The following PTPRT variants were observed in gnomAD, a reference collection of about 807,000 sequenced individuals.
The protein encoded by PTPRT is receptor-type tyrosine-protein phosphatase T.
A neutral mutation model predicts 176.8 loss-of-function variants in PTPRT; 56 were observed. That is an observed-to-expected ratio of 0.32 (90% confidence interval 0.26 to 0.40). The LOEUF (loss-of-function observed/expected upper bound fraction) is 0.40, where lower values mean the gene tolerates loss of function less well. Among genes scored for constraint, PTPRT ranks in the 10% least tolerant of loss-of-function variants. The pLI is 1.00. For synonymous variants in PTPRT, 783 were observed against 739.0 expected (o/e 1.06, Z -0.96); for missense variants, 1,540 against 1,908.2 (o/e 0.81, Z 3.60).
intron 7 of PTPRT, among the ~76,000 whole-genome samples, chr20:42,540,708 T>C (rs1317654416): frequency 6.6e-6 from 1 of 152,194 alleles, no homozygotes; most frequent in Non-Finnish European, 1.5e-5. Flanking sequence ...ACAAGTCAAA[T>C]ATTAGCTTCA....
At chr20:42,968,623 C>T (rs1982440082) in intron 1 of PTPRT, 1 of 152,238 alleles carries the variant, frequency 6.6e-6, no homozygotes, top group African/African-American at 2.4e-5. Context: ...CTGGCATTTC[C>T]TGGAGTTTCC....
chr20:42,607,087 G>A (rs936868395), intron 7 of PTPRT, among the ~76,000 whole-genome samples: 29 of 152,148 alleles, frequency 1.9e-4, no homozygotes, highest in African/African-American at 5.8e-4. Flanking sequence ...TAAGTCAATC[G>A]CAAAAAGAGA....
chr20:42,744,449 G>A (rs1600689452), intron 6 of PTPRT, among the ~76,000 whole-genome samples: 1 of 152,204 alleles, frequency 6.6e-6, no homozygotes, highest in African/African-American at 2.4e-5. Context: ...GAATTTGGAC[G>A]TTTAAGCCCA....
intron 1 of PTPRT, among the ~76,000 whole-genome samples, chr20:43,023,785 T>C (rs1221112829): frequency 6.6e-6 from 1 of 152,186 alleles, no homozygotes; most frequent in Admixed American, 6.5e-5. Context: ...AAGGTAGCTT[T>C]AGAGGCTATG....
At chr20:43,050,147 G>T (rs1986988591) in intron 1 of PTPRT, among the ~76,000 whole-genome samples, 1 of 152,196 alleles carries the variant, frequency 6.6e-6, no homozygotes, top group Non-Finnish European at 1.5e-5. Flanking sequence ...AAGGGAACAT[G>T]CAGCTTGTAG....
chr20:42,741,160 G>A (rs1041650595), intron 6 of PTPRT, among the ~76,000 whole-genome samples: 1 of 152,132 alleles, frequency 6.6e-6, no homozygotes, highest in African/African-American at 2.4e-5. Context: ...AAACCCCTAG[G>A]AATAGGCACA....
intron 14 of PTPRT, among the ~76,000 whole-genome samples, chr20:42,236,815 G>A (rs6030079): frequency 3.8e-4 from 58 of 152,156 alleles, no homozygotes; most frequent in Admixed American, 8.5e-4. Context: ...TACCCAAGAT[G>A]GCTCCCCAGT....
At chr20:42,840,079 G>T (rs2078250599) in intron 2 of PTPRT, among the ~76,000 whole-genome samples, 1 of 152,160 alleles carries the variant, frequency 6.6e-6, no homozygotes, top group African/African-American at 2.4e-5. Context: ...AAACCTGAAA[G>T]CATGGTGTTG....
At chr20:42,535,544 C>A (rs1426281510) in intron 7 of PTPRT, among the ~76,000 whole-genome samples, 1 of 152,136 alleles carries the variant, frequency 6.6e-6, no homozygotes, top group East Asian at 1.9e-4. Flanking sequence ...AGACCTATAT[C>A]TAAAGCATTA....
intron 1 of PTPRT, among the ~76,000 whole-genome samples, chr20:42,969,920 C>T (rs1982523206): frequency 6.6e-6 from 1 of 152,066 alleles, no homozygotes; most frequent in African/African-American, 2.4e-5. Context: ...GGACTGCAGA[C>T]AAGAAATTGA....
chr20:42,759,072 G>A (rs764812901), intron 5 of PTPRT, among the ~76,000 whole-genome samples: 7 of 152,152 alleles, frequency 4.6e-5, no homozygotes, highest in African/African-American at 7.2e-5. Flanking sequence ...CTGATTTGGA[G>A]AAGAGATCAC....
chr20:42,744,741 C>G (rs1463905996), intron 6 of PTPRT, among the ~76,000 whole-genome samples: 2 of 152,250 alleles, frequency 1.3e-5, no homozygotes, highest in Admixed American at 6.5e-5. Flanking sequence ...TCTTTTGACT[C>G]TCCCCTCACC....
intron 2 of PTPRT, among the ~76,000 whole-genome samples, chr20:42,811,704 T>C (rs948911039): frequency 9.2e-5 from 14 of 152,188 alleles, no homozygotes; most frequent in African/African-American, 3.1e-4. Flanking sequence ...GCCGCTGTTG[T>C]TACACTGCCC....
In PTPRT at chr20:42,827,666, G is replaced by T. The variant is rs147825962; in HGVS notation, c.215-36200C>A. ...CTCATAATCCCCACATGTCATGGGA[G>T]GGACCTGGTGGGAGGTAATTAAATC... On this transcript the variant is annotated intron_variant, in intron 2 of 30. Transcript: ENST00000373187. Among the ~76,000 whole-genome samples the T allele has an allele frequency of 7.1e-3, 1,080 of 152,276 alleles. 7 individuals are homozygous for T. The highest frequency in any genetic ancestry group is 0.012 in the Non-Finnish European group (809 of 68,024).
At chr20:42,173,198 G>A (rs1194058008) in intron 16 of PTPRT, among the ~76,000 whole-genome samples, 1 of 152,134 alleles carries the variant, frequency 6.6e-6, no homozygotes, top group Admixed American at 6.5e-5. Context: ...GAAGCAATAA[G>A]CAAAGCATCA....
At chr20:42,104,413 C>G (rs1986234039) in intron 25 of PTPRT, among the ~76,000 whole-genome samples, 156 bp downstream of exon 25, 2 of 152,196 alleles carry the variant, frequency 1.3e-5, no homozygotes, top group African/African-American at 4.8e-5. Context: ...GAGCCCTCCC[C>G]AGACACTGGA....
chr20:42,087,524 G>C (rs1984102223), intron 27 of PTPRT, among the ~76,000 whole-genome samples: 1 of 150,628 alleles, frequency 6.6e-6, no homozygotes, highest in Non-Finnish European at 1.5e-5. Flanking sequence ...CGGGATTACA[G>C]GTGTGAGCCA....
chr20:43,128,476 C>T (rs2013529008), intron 1 of PTPRT, among the ~76,000 whole-genome samples: 1 of 152,202 alleles, frequency 6.6e-6, no homozygotes, highest in Non-Finnish European at 1.5e-5. Context: ...GAGTTACCAA[C>T]CCATTCTTTT....
chr20:42,805,974 C>T (rs2077601209), intron 2 of PTPRT, among the ~76,000 whole-genome samples: 1 of 151,158 alleles, frequency 6.6e-6, no homozygotes, highest in South Asian at 2.1e-4. Context: ...ATAGGTATAT[C>T]TCACACCCTA....
Sources: allele counts gnomAD v4.1 joint callset (sites outside exome capture counted in the v4.1 genomes callset), GRCh38; gene constraint gnomAD v4.1.1; transcripts MANE v1.5; gene names NCBI Gene and HGNC (gene_info 2026-07-23, HGNC 2026-07-21).